The following GLMN variants were observed in gnomAD, a reference collection of about 807,000 sequenced individuals.
GLMN encodes the protein glomulin, FKBP associated protein, also known as glomulin.
Under a neutral mutation model 87.8 loss-of-function variants are expected in GLMN, and 75 were observed. The observed-to-expected ratio is 0.85, with a 90% CI of 0.71 to 1.04. The LOEUF (loss-of-function observed/expected upper bound fraction) is 1.04. GLMN is among the 50% of genes least tolerant of loss of function. GLMN has a pLI of 0.00. For missense variants in GLMN, 588 were observed against 658.8 expected (o/e 0.89, Z 1.18); for synonymous variants, 206 against 221.6 (o/e 0.93, Z 0.63).
At chr1:92,345,776 G>A in the GLMN span, 92 of 954,136 alleles carry the variant, frequency 9.6e-5, no homozygotes, top group African/African-American at 1.2e-3. Context: ...TAAATCTGAT[G>A]TTATCTAGAA....
At chr1:92,256,072 C>A (rs1654195610) in intron 16 of GLMN, among the ~76,000 whole-genome samples, 1 of 152,082 alleles carries the variant, frequency 6.6e-6, no homozygotes. Context: ...GGGTATATCA[C>A]CACTGATCCC....
the GLMN span, among the ~76,000 whole-genome samples, chr1:92,329,467 A>G: frequency 6.6e-6 from 1 of 152,194 alleles, no homozygotes; most frequent in Non-Finnish European, 1.5e-5. Context: ...AACAGCACCA[A>G]GTTTATTTCC....
intron 16 of GLMN, among the ~76,000 whole-genome samples, chr1:92,258,775 G>T (rs966351716): frequency 1.5e-4 from 23 of 151,906 alleles, no homozygotes; most frequent in African/African-American, 5.3e-4. Flanking sequence ...TAGGGGAGGG[G>T]TATTAGGAGA....
intron 2 of GLMN, 35 bp downstream of exon 2, chr1:92,297,926 G>T: frequency 1.0e-6 from 1 of 979,776 alleles, no homozygotes; most frequent in South Asian, 1.3e-5. Flanking sequence ...CCCATATTTT[G>T]AAAGGTATTT....
upstream of GLMN, chr1:92,299,071 C>T: frequency 6.7e-7 from 1 of 1,502,638 alleles, no homozygotes; most frequent in Non-Finnish European, 8.9e-7. Flanking sequence ...ACTACTCTCC[C>T]CCATGGCGGA....
chr1:92,286,356 C>T, intron 7 of GLMN, 134 bp downstream of exon 7: 2 of 450,448 alleles, frequency 4.4e-6, no homozygotes, highest in South Asian at 5.0e-5. Flanking sequence ...TTTTATTTTC[C>T]ATCTTTTGTT....
the GLMN span, among the ~76,000 whole-genome samples, chr1:92,354,410 G>A: frequency 1.3e-5 from 2 of 152,162 alleles, no homozygotes; most frequent in African/African-American, 4.8e-5. Flanking sequence ...CTGCCAAGCT[G>A]TTCTATAGAT....
chr1:92,347,118 C>G, the GLMN span, among the ~76,000 whole-genome samples: 1 of 152,174 alleles, frequency 6.6e-6, no homozygotes, highest in East Asian at 1.9e-4. Context: ...AGATGCAACT[C>G]ACATGATTCA....
At chr1:92,252,832 C>T (rs1486717268) in intron 16 of GLMN, among the ~76,000 whole-genome samples, 1 of 152,084 alleles carries the variant, frequency 6.6e-6, no homozygotes, top group East Asian at 1.9e-4. Flanking sequence ...TTCACAAATA[C>T]CTGCTTTTAA....
rs551428143 is a variant in GLMN at position 92,281,796 on chromosome 1, C to CA, written c.735+4693dup. On this transcript the variant is annotated intron_variant, in intron 7 of 18. Coordinates refer to ENST00000370360, the MANE Select transcript of GLMN (RefSeq NM_053274.3). ...AAAGATCTACCAAGCAAATGGAAAG[C>CA]AAAAAAAAAAAAGCAAGGGTTGCAA... Among the ~76,000 whole-genome samples the CA allele has an allele frequency of 8.8e-3, 1,098 of 124,478 alleles. 16 individuals carry two copies. The highest frequency in any genetic ancestry group is 0.03 in the South Asian group (119 of 3,950). 81.7% of individuals were successfully genotyped at this position (124,478 alleles called of 152,430 possible).
the GLMN span, chr1:92,345,793 A>G: frequency 9.0e-7 from 1 of 1,114,720 alleles, no homozygotes; most frequent in Non-Finnish European, 1.3e-6. Flanking sequence ...AGAAAGAAAT[A>G]GAAAGTTTAT....
At chr1:92,356,580 G>C in the GLMN span, among the ~76,000 whole-genome samples, 1 of 110,398 alleles carries the variant, frequency 9.1e-6, no homozygotes, top group Non-Finnish European at 1.8e-5. Context: ...CACCACTCCT[G>C]GCTAATTTTT....
At chr1:92,342,571 G>T in the GLMN span, among the ~76,000 whole-genome samples, 1 of 152,170 alleles carries the variant, frequency 6.6e-6, no homozygotes, top group South Asian at 2.1e-4. Context: ...CATTTTGGCT[G>T]CCAAGTTGAT....
the GLMN span, among the ~76,000 whole-genome samples, chr1:92,354,976 G>T: frequency 6.6e-6 from 1 of 151,350 alleles, no homozygotes; most frequent in East Asian, 1.9e-4. Context: ...TCAGCTCATT[G>T]CAATCTCTGC....
At chr1:92,265,600 A>G (rs1487466458) in intron 13 of GLMN, among the ~76,000 whole-genome samples, 1 of 151,962 alleles carries the variant, frequency 6.6e-6, no homozygotes, top group Non-Finnish European at 1.5e-5. Flanking sequence ...ACATGGCAAA[A>G]CCCCATCTCC....
At chr1:92,342,237 G>A in the GLMN span, among the ~76,000 whole-genome samples, 1,953 of 152,306 alleles carry the variant, frequency 0.013, 22 homozygotes, top group Non-Finnish European at 0.02. Context: ...GTAAAGACCC[G>A]AAAGGAGGTA....
chr1:92,299,195 C>G (rs1650585325), upstream of GLMN: 2 of 1,211,560 alleles, frequency 1.7e-6, no homozygotes, highest in African/African-American at 1.6e-5. Context: ...AGCTGGGCCC[C>G]GATCTCGAGT....
chr1:92,305,184 G>A, the GLMN span, among the ~76,000 whole-genome samples: 1 of 151,894 alleles, frequency 6.6e-6, no homozygotes, highest in African/African-American at 2.4e-5. Flanking sequence ...TGTAATCCCA[G>A]CACTTTGGGA....
chr1:92,290,158 G>T, intron 5 of GLMN, 40 bp downstream of exon 5: 1 of 1,099,168 alleles, frequency 9.1e-7, no homozygotes, highest in South Asian at 1.2e-5. Flanking sequence ...GGCATTTAGA[G>T]ATACAACAAG....
Sources: gnomAD v4.1 joint callset for allele counts (sites outside exome capture counted in the v4.1 genomes callset) on GRCh38, gnomAD v4.1.1 for gene constraint, MANE v1.5 for transcripts, NCBI Gene and HGNC (gene_info 2026-07-23, HGNC 2026-07-21) for gene names.